TRIM27: variants seen among roughly 807,000 people sequenced by gnomAD.
TRIM27 encodes the protein zinc finger protein RFP.
Under a neutral mutation model 57.6 loss-of-function variants are expected in TRIM27, and 12 were observed. The ratio of observed to expected loss-of-function variants is 0.21; its 90% CI spans 0.13 to 0.34. The LOEUF is 0.34. TRIM27 is among the 10% of genes least tolerant of loss of function. The pLI, the probability that TRIM27 is intolerant of heterozygous loss-of-function variation, is 1.00. For synonymous variants in TRIM27, 266 were observed against 259.0 expected (o/e 1.03, Z -0.26); for missense variants, 403 against 656.8 (o/e 0.61, Z 4.22).
In TRIM27 at chr6:28,909,105, T is replaced by G; in HGVS notation, c.771-17A>C. On this transcript the variant is annotated splice_polypyrimidine_tract_variant and intron_variant, in intron 4 of 7. Coordinates refer to ENST00000377199, the MANE Select transcript of TRIM27 (RefSeq NM_006510.5). The stretch of plus-strand genomic sequence containing the variant: ...CTTTCAGCCCTAAATTTAAAAAACA[T>G]GAGTAAATTTTTTTTTTTTTTGAGA... 1 of 1,579,026 alleles carries G rather than the reference T, an allele frequency of 6.3e-7. No homozygotes were observed. The highest frequency in any genetic ancestry group is 8.6e-7 in the Non-Finnish European group (1 of 1,160,764).
chr6:28,908,246 T>C (rs1333714402), intron 6 of TRIM27: 1 of 154,302 alleles, frequency 6.5e-6, no homozygotes, highest in Non-Finnish European at 1.4e-5. Context: ...TTAATTCTTA[T>C]ACCTCAGGAG....
Position 28,923,399 on chromosome 6 carries a change from T to C in TRIM27, c.234A>G (p.Val78=), listed in dbSNP as rs2230683. 0.085 allele frequency: 137,185 copies of C among 1,612,308 alleles called. 7,527 individuals carry two copies. The highest frequency in any genetic ancestry group is 0.11 in the Non-Finnish European group (126,931 of 1,179,610). ...NRHLANVTQL[V]KQLRTERPSG... ...ACGGCCGCTCGGTGCGCAGCTGCTT[T>C]ACCAGTTGGGTCACGTTGGCCAGGT... The change falls in exon 1 of 8, where the codon GTA becomes GTG. Residue 78 remains valine (V), a synonymous_variant. Transcript: ENST00000377199.
At chr6:28,911,600 C>T in intron 4 of TRIM27, 96 bp downstream of exon 4, 2 of 1,251,320 alleles carry the variant, frequency 1.6e-6, no homozygotes, top group South Asian at 2.6e-5. Context: ...GATAAGATGT[C>T]CATCCTCAGG....
intron 3 of TRIM27, among the ~76,000 whole-genome samples, chr6:28,915,925 T>C (rs1773561059): frequency 1.3e-5 from 2 of 152,138 alleles, no homozygotes; most frequent in Non-Finnish European, 2.9e-5. Flanking sequence ...TTTTCATATA[T>C]ATATTTTTTG....
chr6:28,904,367 T>C lies in TRIM27; in HGVS notation c.1245A>G (p.Lys415=), dbSNP rs1165195298. The part of the protein sequence containing the change: ...GFWAVSLWYG[K]EYWALTSPMT... Reference sequence around the variant, plus strand: ...TTGGGGAGGTAAGAGCCCAATATTCTTTCCCATACCACAAAGACACTGCCC... The same window carrying C: ...TTGGGGAGGTAAGAGCCCAATATTCCTTCCCATACCACAAAGACACTGCCC... The change falls in exon 8 of 8, where the codon AAA becomes AAG. Residue 415 remains lysine (K), a synonymous_variant. Coordinates refer to ENST00000377199, the MANE Select transcript of TRIM27 (RefSeq NM_006510.5). This position sits in a 1 kb window ranked among gnomAD's most constrained non-coding sequence, Gnocchi z 6.1. 6.2e-7 allele frequency: 1 copy of C among 1,613,060 alleles called. No individual in the cohort carries two copies. Among genetic ancestry groups the C allele is most frequent in the East Asian group, 2.2e-5 (1 of 44,868 alleles).
chr6:28,907,145 C>G (rs901934176), intron 7 of TRIM27, 91 bp downstream of exon 7: 10 of 1,253,570 alleles, frequency 8.0e-6, no homozygotes, highest in Admixed American at 6.7e-5. Flanking sequence ...GAATCCAAAT[C>G]TAAGCAATTT....
chr6:28,905,300 C>T (rs1772686402), intron 7 of TRIM27: 1 of 152,278 alleles, frequency 6.6e-6, no homozygotes. Context: ...CAGAATATTA[C>T]AGGTTTTAGA....
At chr6:28,911,571 C>T (rs1390780168) in intron 4 of TRIM27, 125 bp downstream of exon 4, 2 of 946,178 alleles carry the variant, frequency 2.1e-6, no homozygotes, top group East Asian at 4.8e-5. Flanking sequence ...TGACTCTCTT[C>T]AGGGATATGT....
At position 28,923,786 on chromosome 6, in the gene TRIM27, C is replaced by A; in HGVS notation, c.-154G>T. 1.2e-6 allele frequency: 1 copy of A among 830,446 alleles called. No homozygotes were observed. The highest frequency in any genetic ancestry group is 1.9e-5 in the South Asian group (1 of 52,466). The allele number at this position is 830,446 out of a possible 1,614,324, so 51.4% of individuals were successfully genotyped here. ...CGGGCCCGTATCCCAGACGCGCCCGCGCACCGAAGGCTTGGAGTGGCCGGG... is the reference window on the plus strand; with the variant it reads ...CGGGCCCGTATCCCAGACGCGCCCGAGCACCGAAGGCTTGGAGTGGCCGGG... On this transcript the variant is annotated 5_prime_UTR_variant, in exon 1 of 8. Coordinates refer to ENST00000377199, the MANE Select transcript of TRIM27 (RefSeq NM_006510.5).
intron 2 of TRIM27, among the ~76,000 whole-genome samples, chr6:28,920,519 G>T (rs1178344749): frequency 6.6e-6 from 1 of 152,056 alleles, no homozygotes; most frequent in East Asian, 1.9e-4. Context: ...TTAAAGATAG[G>T]GTGACAGCCT....
At chr6:28,911,812 G>T in intron 3 of TRIM27, 94 bp from the exon 4 acceptor site, 1 of 1,190,414 alleles carries the variant, frequency 8.4e-7, no homozygotes, top group Non-Finnish European at 1.2e-6. Flanking sequence ...CTACAGACTG[G>T]CTCTCATGGG....
chr6:28,911,990 CT>C (rs1218991851), intron 3 of TRIM27, among the ~76,000 whole-genome samples: 1 of 152,194 alleles, frequency 6.6e-6, no homozygotes, highest in Non-Finnish European at 1.5e-5. Flanking sequence ...AATTTACTAA[CT>C]TAAGCGTCCT....
At chr6:28,918,901 A>C (rs1322908853) in intron 3 of TRIM27, among the ~76,000 whole-genome samples, 1 of 152,142 alleles carries the variant, frequency 6.6e-6, no homozygotes, top group African/African-American at 2.4e-5. Context: ...TATTAAATTA[A>C]AATTAAAATG....
chr6:28,904,036 C>T lies in TRIM27; in HGVS notation c.*34G>A. On this transcript the variant is annotated 3_prime_UTR_variant, in exon 8 of 8. Transcript: ENST00000377199. The surrounding 1 kb of genome is among the most constrained non-coding windows in gnomAD (Gnocchi z 6.1). ...ATGCCTTGTGCCTGGCGTAGGATTA[C>T]AGCCAACAGCCCTTTTGGCCTGAAT... 1 of 1,567,716 alleles carries T rather than the reference C, an allele frequency of 6.4e-7. No homozygotes were observed. Among genetic ancestry groups the T allele is most frequent in the Non-Finnish European group, 8.7e-7 (1 of 1,146,166 alleles).
rs931706534 is a variant in TRIM27 at position 28,912,641 on chromosome 6, T to C, written c.748-923A>G. On this transcript the variant is annotated intron_variant, in intron 3 of 7. Coordinates refer to ENST00000377199, the MANE Select transcript of TRIM27 (RefSeq NM_006510.5). Reference sequence around the variant, plus strand: ...TAGTATTCCATAGTGTATATGTGCATAATTAACTAAAACAATCTTGTAGGT... The same window carrying C: ...TAGTATTCCATAGTGTATATGTGCACAATTAACTAAAACAATCTTGTAGGT... Among the ~76,000 whole-genome samples the C allele has an allele frequency of 2.6e-5, 4 of 152,362 alleles. No individual in the cohort carries two copies. The East Asian group carries it at 5.8e-4, about 22-fold the overall frequency.
chr6:28,923,076 GC>G, intron 1 of TRIM27, 136 bp downstream of exon 1: 1 of 1,048,252 alleles, frequency 9.5e-7, no homozygotes, highest in Non-Finnish European at 1.3e-6. Flanking sequence ...AGGCTCTGGA[GC>G]GGACAGAGAG....
chr6:28,908,634 T>C (rs1026364791), intron 6 of TRIM27, 174 bp downstream of exon 6: 6 of 594,318 alleles, frequency 1.0e-5, no homozygotes, highest in Non-Finnish European at 1.8e-5. Flanking sequence ...AACTTCAAAT[T>C]AGAACAAGAA....
intron 6 of TRIM27, 106 bp downstream of exon 6, chr6:28,908,702 G>A: frequency 1.0e-6 from 1 of 960,752 alleles, no homozygotes; most frequent in Non-Finnish European, 1.6e-6. Flanking sequence ...ATCAGGGAAG[G>A]CTGGCCAATG....
chr6:28,911,869 G>A (rs979265516), intron 3 of TRIM27, 151 bp from the exon 4 acceptor site: 1 of 727,924 alleles, frequency 1.4e-6, no homozygotes, highest in African/African-American at 1.8e-5. Flanking sequence ...CAGTGTTGAG[G>A]AGCTAAAAGG....
Sources: allele counts gnomAD v4.1 joint callset (sites outside exome capture counted in the v4.1 genomes callset), GRCh38; gene constraint gnomAD v4.1.1; non-coding constraint Gnocchi (gnomAD v3.1); transcripts MANE v1.5; gene names NCBI Gene and HGNC (gene_info 2026-07-23, HGNC 2026-07-21).